Variants in UNC13C observed in about 807,000 individuals in gnomAD.
UNC13C encodes the protein protein unc-13 homolog C.
UNC13C carries 174 observed loss-of-function variants against 245.4 expected under a neutral mutation model. That is an observed-to-expected ratio of 0.71 (90% CI 0.63 to 0.80). The LOEUF (loss-of-function observed/expected upper bound fraction) is 0.80. UNC13C is among the 30% of genes least tolerant of loss of function. The pLI, the probability that UNC13C is intolerant of heterozygous loss-of-function variation, is 0.00. For missense variants in UNC13C, 2,829 were observed against 2,602.9 expected (o/e 1.09, Z -1.89); for synonymous variants, 992 against 895.1 (o/e 1.11, Z -1.93).
At chr15:54,310,087 T>C (rs1279303642) in intron 13 of UNC13C, among the ~76,000 whole-genome samples, 1 of 151,788 alleles carries the variant, frequency 6.6e-6, no homozygotes, top group African/African-American at 2.4e-5. Context: ...AACAGTACTT[T>C]TTGACCTTTT....
At chr15:54,423,043 G>T (rs1365511600) in intron 19 of UNC13C, among the ~76,000 whole-genome samples, 2 of 151,138 alleles carry the variant, frequency 1.3e-5, no homozygotes, top group Non-Finnish European at 3.0e-5. Context: ...TTCTGAAATT[G>T]TATTTCTTCA....
chr15:54,014,182 T>G lies in UNC13C; in HGVS notation c.1279T>G (p.Tyr427Asp), dbSNP rs779334724. 6.2e-7 allele frequency: 1 copy of G among 1,613,672 alleles called. No individual in the cohort carries two copies. The highest frequency in any genetic ancestry group is 2.2e-5 in the East Asian group (1 of 44,868). The change falls in exon 2 of 33, where the codon TAT becomes GAT. Residue 427 changes from tyrosine (Y) to aspartate (D), a missense_variant. Physicochemically the swap from Tyr to Asp is radical, Grantham distance 160. Coordinates refer to ENST00000260323, the MANE Select transcript of UNC13C (RefSeq NM_001080534.3). ...GAAAGGGATACCATCCTCCCAGACA[T>G]ATGAGAGCATGGCTATAAAGTTGTC... Reference protein sequence around the residue: ...KEKGIPSSQTYESMAIKLSTP... With the variant: ...KEKGIPSSQTDESMAIKLSTP...
chr15:54,049,949 G>T, intron 2 of UNC13C: 1 of 225,012 alleles, frequency 4.4e-6, no homozygotes, highest in South Asian at 6.3e-5. Context: ...TAAGCCTTCT[G>T]TAAAACTTTA....
chr15:54,567,340 G>A (rs574388765), intron 29 of UNC13C, among the ~76,000 whole-genome samples: 3 of 152,174 alleles, frequency 2.0e-5, no homozygotes, highest in Non-Finnish European at 4.4e-5. Flanking sequence ...TGGGGCAGAT[G>A]GAGTGGCAGA....
At chr15:54,334,997 G>A (rs527913001) in intron 16 of UNC13C, among the ~76,000 whole-genome samples, 2 of 152,144 alleles carry the variant, frequency 1.3e-5, no homozygotes, top group Admixed American at 6.5e-5. Context: ...AAAATAGGAG[G>A]AAAGAAAGAG....
intron 30 of UNC13C, among the ~76,000 whole-genome samples, chr15:54,602,338 C>T (rs1182135127): frequency 2.0e-5 from 3 of 152,180 alleles, no homozygotes; most frequent in Non-Finnish European, 4.4e-5. Context: ...ACTGGGCTGA[C>T]AGTGGGACAG....
At chr15:54,624,065 TTTTAGTTCCCTTCCATTCATTC>T (rs1900982632) in intron 32 of UNC13C, 111 bp downstream of exon 32, 1 of 1,342,464 alleles carries the variant, frequency 7.4e-7, no homozygotes, top group African/African-American at 1.5e-5. Flanking sequence ...AAGGCTCTGT[TTTTAGTTCCCTTCCATTCATTC>T]AATATCTGTT....
intron 30 of UNC13C, among the ~76,000 whole-genome samples, chr15:54,593,596 C>G (rs981043640): frequency 1.3e-5 from 2 of 151,946 alleles, no homozygotes; most frequent in African/African-American, 4.8e-5. Flanking sequence ...CTCTGAATTT[C>G]TTTCTTCTAC....
intron 5 of UNC13C, among the ~76,000 whole-genome samples, 169 bp downstream of exon 5, chr15:54,235,277 A>G (rs74013512): frequency 0.017 from 2,515 of 152,256 alleles, 81 homozygotes; most frequent in African/African-American, 0.059. Flanking sequence ...TTTAAAATCT[A>G]TTAGATGGAG....
chr15:54,259,490 C>T (rs755237560), intron 8 of UNC13C, among the ~76,000 whole-genome samples: 2 of 152,164 alleles, frequency 1.3e-5, no homozygotes, highest in South Asian at 4.2e-4. Context: ...CCTTATAAAA[C>T]CATCAGATCT....
At chr15:54,091,253 T>A (rs1899557304) in intron 2 of UNC13C, among the ~76,000 whole-genome samples, 1 of 152,216 alleles carries the variant, frequency 6.6e-6, no homozygotes, top group Non-Finnish European at 1.5e-5. Context: ...TGATCCTCTC[T>A]TGACATGTTC....
chr15:53,997,546 T>C (rs1392106539), intron 1 of UNC13C, among the ~76,000 whole-genome samples: 1 of 152,196 alleles, frequency 6.6e-6, no homozygotes, highest in African/African-American at 2.4e-5. Flanking sequence ...CAGCTGAAAT[T>C]AATTCTGTAT....
At chr15:54,453,128 A>C (rs1280688302) in intron 19 of UNC13C, among the ~76,000 whole-genome samples, 1 of 152,180 alleles carries the variant, frequency 6.6e-6, no homozygotes, top group Non-Finnish European at 1.5e-5. Flanking sequence ...ATGCCATTGC[A>C]CAGTCTCCAG....
At chr15:53,987,531 T>TTTGTTGTTG (rs145719556) in intron 1 of UNC13C, among the ~76,000 whole-genome samples, 2 of 151,352 alleles carry the variant, frequency 1.3e-5, no homozygotes, top group African/African-American at 4.9e-5. Context: ...AGACAGGCTT[T>TTTGTTGTTG]TTGTTGTTGT....
chr15:54,274,212 T>C (rs1035534333), intron 10 of UNC13C, among the ~76,000 whole-genome samples: 1 of 152,148 alleles, frequency 6.6e-6, no homozygotes. Context: ...GATAGATATT[T>C]GACTCCAAAT....
intron 4 of UNC13C, among the ~76,000 whole-genome samples, chr15:54,147,440 C>T (rs559995429): frequency 1.3e-5 from 2 of 152,020 alleles, no homozygotes; most frequent in African/African-American, 2.4e-5. Flanking sequence ...AGGATGGTCT[C>T]GATCTCCTGA....
intron 17 of UNC13C, among the ~76,000 whole-genome samples, chr15:54,353,561 G>A (rs541152885): frequency 7.9e-5 from 12 of 152,260 alleles, no homozygotes; most frequent in African/African-American, 2.2e-4. Context: ...AATCACTTTC[G>A]TTGGGCTTCT....
intron 17 of UNC13C, among the ~76,000 whole-genome samples, chr15:54,388,761 A>G (rs1596315150): frequency 6.6e-6 from 1 of 152,076 alleles, no homozygotes; most frequent in African/African-American, 2.4e-5. Context: ...CTGTGGTCAC[A>G]TATTTATCTC....
At chr15:54,021,066 G>A (rs931894991) in intron 2 of UNC13C, among the ~76,000 whole-genome samples, 14 of 151,666 alleles carry the variant, frequency 9.2e-5, no homozygotes, top group African/African-American at 2.4e-4. Context: ...ATTTTTAATC[G>A]ACAATAACAA....
Sources: gnomAD v4.1 joint callset for allele counts (sites outside exome capture counted in the v4.1 genomes callset) on GRCh38, gnomAD v4.1.1 for gene constraint, MANE v1.5 for transcripts, NCBI Gene and HGNC (gene_info 2026-07-23, HGNC 2026-07-21) for gene names.